PAPPA2: variants seen among roughly 807,000 people sequenced by gnomAD.
PAPPA2 encodes the protein pappalysin-2.
Under a neutral mutation model 176.4 loss-of-function variants are expected in PAPPA2, and 86 were observed. The observed-to-expected ratio is 0.49, with a 90% confidence interval of 0.41 to 0.58. The LOEUF (loss-of-function observed/expected upper bound fraction) is 0.58. Ranked by LOEUF, PAPPA2 falls within the 20% of genes least tolerant of loss-of-function variation. PAPPA2 has a pLI of 0.00. For synonymous variants in PAPPA2, 809 were observed against 852.2 expected, an observed-to-expected ratio of 0.95 and a Z score of 0.88; for missense variants, 2,073 against 2,256.9, an observed-to-expected ratio of 0.92 and a Z score of 1.65.
chr1:176,667,902 A>G (rs1658759886), intron 3 of PAPPA2, among the ~76,000 whole-genome samples: 1 of 152,172 alleles, frequency 6.6e-6, no homozygotes, highest in African/African-American at 2.4e-5. Context: ...TACTTTGTTT[A>G]GTTGGGAACC....
chr1:176,647,404 C>G (rs994308621), intron 3 of PAPPA2, among the ~76,000 whole-genome samples: 3 of 151,586 alleles, frequency 2.0e-5, no homozygotes, highest in Non-Finnish European at 4.4e-5. Flanking sequence ...TATGCAGAAG[C>G]TTTTTCACTT....
intron 3 of PAPPA2, among the ~76,000 whole-genome samples, chr1:176,638,296 T>G (rs528399136): frequency 6.6e-6 from 1 of 151,562 alleles, no homozygotes; most frequent in Non-Finnish European, 1.5e-5. Context: ...CAATGCACAT[T>G]AGAAAAAGAC....
intron 2 of PAPPA2, among the ~76,000 whole-genome samples, chr1:176,579,616 C>G (rs531413596): frequency 1.4e-4 from 21 of 152,318 alleles, no homozygotes; most frequent in South Asian, 1.2e-3. Flanking sequence ...GTCACACTCA[C>G]CAGCCCATGT....
intron 9 of PAPPA2, among the ~76,000 whole-genome samples, chr1:176,704,731 C>T (rs1660804155): frequency 6.6e-6 from 1 of 151,978 alleles, no homozygotes; most frequent in African/African-American, 2.4e-5. Flanking sequence ...AAATACAGAT[C>T]AAATAGTTGA....
chr1:176,628,870 C>G (rs1225463109), intron 3 of PAPPA2, among the ~76,000 whole-genome samples: 1 of 152,292 alleles, frequency 6.6e-6, no homozygotes, highest in African/African-American at 2.4e-5. Flanking sequence ...TTCTGCTCTT[C>G]ACAAGATATA....
At chr1:176,468,430 C>T (rs1369621329) in intron 1 of PAPPA2, among the ~76,000 whole-genome samples, 1 of 152,188 alleles carries the variant, frequency 6.6e-6, no homozygotes, top group Non-Finnish European at 1.5e-5. Context: ...AGCAAATTCA[C>T]ATTGCCAACT....
chr1:176,520,630 A>T (rs1649164309), intron 1 of PAPPA2, among the ~76,000 whole-genome samples: 1 of 152,250 alleles, frequency 6.6e-6, no homozygotes, highest in Non-Finnish European at 1.5e-5. Flanking sequence ...AGCTAATGAC[A>T]TAAAAGTTTC....
In PAPPA2 at chr1:176,659,609, G is replaced by C. The variant is rs541274854; in HGVS notation, c.1992-11361G>C. Among the ~76,000 whole-genome samples the C allele has an allele frequency of 4.6e-5, 7 of 152,104 alleles. No individual in the cohort carries two copies. The South Asian group carries it at 1.5e-3, about 32-fold the overall frequency. On this transcript the variant is annotated intron_variant, in intron 3 of 22. Coordinates refer to ENST00000367662, the MANE Select transcript of PAPPA2 (RefSeq NM_020318.3). ...CATAACAATAGCTACCCCAGTAGGTGCATTCAAAAAATATAAGAACATTTA... is the reference window on the plus strand; with the variant it reads ...CATAACAATAGCTACCCCAGTAGGTCCATTCAAAAAATATAAGAACATTTA...
chr1:176,502,907 T>C (rs190520012), intron 1 of PAPPA2, among the ~76,000 whole-genome samples: 18 of 152,300 alleles, frequency 1.2e-4, no homozygotes, highest in African/African-American at 4.3e-4. Flanking sequence ...GTTCATGTCC[T>C]GAGTATGATG....
At chr1:176,796,597 T>TTTC (rs1312783072) in intron 20 of PAPPA2, among the ~76,000 whole-genome samples, 11 of 120,334 alleles carry the variant, frequency 9.1e-5, no homozygotes, top group Non-Finnish European at 1.9e-4. Context: ...TTTCTTTCTC[T>TTTC]TTCTTTTCTT....
chr1:176,547,465 G>T (rs1368300527), intron 1 of PAPPA2, among the ~76,000 whole-genome samples: 6 of 152,054 alleles, frequency 3.9e-5, no homozygotes, highest in Admixed American at 1.3e-4. Flanking sequence ...CTTGTGTGAG[G>T]AGTTTCCTGC....
rs550106233 is a variant in PAPPA2 at position 176,838,516 on chromosome 1, A to G, written c.5203-1657A>G. On this transcript the variant is annotated intron_variant, in intron 21 of 22. Coordinates refer to ENST00000367662, the MANE Select transcript of PAPPA2 (RefSeq NM_020318.3). ...TCCAAACACTTGAAAGAGAAAAATG[A>G]AACTCTGGGGAAACTCCGTAGATGT... 3.3e-5 allele frequency among the ~76,000 whole-genome samples: 5 copies of G among 152,350 alleles called. No homozygotes were observed. The South Asian group carries it at 1.0e-3, about 32-fold the overall frequency.
intron 3 of PAPPA2, among the ~76,000 whole-genome samples, chr1:176,629,185 A>C (rs1423294682): frequency 2.6e-5 from 4 of 152,234 alleles, no homozygotes; most frequent in Admixed American, 2.6e-4. Context: ...CCTCAGGAGA[A>C]ACTTAGTCCA....
intron 12 of PAPPA2, among the ~76,000 whole-genome samples, chr1:176,726,530 G>T (rs889814486): frequency 1.3e-5 from 2 of 152,202 alleles, no homozygotes; most frequent in Non-Finnish European, 2.9e-5. Context: ...TTATGACACA[G>T]AATAGAGGTA....
intron 1 of PAPPA2, among the ~76,000 whole-genome samples, chr1:176,477,907 T>G (rs1313302947): frequency 6.6e-6 from 1 of 152,192 alleles, no homozygotes; most frequent in Admixed American, 6.5e-5. Flanking sequence ...CTGTCTCAAG[T>G]ATGGGTGAGG....
At chr1:176,472,399 T>C (rs1235295577) in intron 1 of PAPPA2, among the ~76,000 whole-genome samples, 2 of 152,194 alleles carry the variant, frequency 1.3e-5, no homozygotes, top group Non-Finnish European at 2.9e-5. Flanking sequence ...GCTTCTTTCA[T>C]TGACATTTGA....
chr1:176,522,561 A>G (rs1229397513), intron 1 of PAPPA2, among the ~76,000 whole-genome samples: 1 of 152,218 alleles, frequency 6.6e-6, no homozygotes, highest in African/African-American at 2.4e-5. Context: ...TGTTATAGTA[A>G]TAAAATCAGT....
intron 1 of PAPPA2, among the ~76,000 whole-genome samples, chr1:176,474,534 A>C (rs926351035): frequency 1.3e-5 from 2 of 152,156 alleles, no homozygotes. Flanking sequence ...TGGTGATGGC[A>C]GTGCCCACTT....
At chr1:176,469,568 C>G (rs1651782627) in intron 1 of PAPPA2, among the ~76,000 whole-genome samples, 1 of 152,208 alleles carries the variant, frequency 6.6e-6, no homozygotes, top group African/African-American at 2.4e-5. Context: ...CAGTTGCATA[C>G]TTTTCATCCA....
Sources: allele counts gnomAD v4.1 joint callset (sites outside exome capture counted in the v4.1 genomes callset), GRCh38; gene constraint gnomAD v4.1.1; transcripts MANE v1.5; gene names NCBI Gene and HGNC (gene_info 2026-07-23, HGNC 2026-07-21).